ARL15: variants seen among roughly 807,000 people sequenced by gnomAD.
ARL15 encodes ARF like GTPase 15.
In ARL15, 19 loss-of-function variants were observed where a neutral mutation model predicts 25.2. The ratio of observed to expected loss-of-function variants is 0.75; its 90% CI spans 0.53 to 1.10. The LOEUF is 1.10. Among genes scored for constraint, ARL15 ranks in the 50% least tolerant of loss-of-function variants. ARL15 has a pLI of 0.00. For synonymous variants in ARL15, 94 were observed against 86.8 expected, an observed-to-expected ratio of 1.08 and a Z score of -0.46; for missense variants, 220 against 246.0, an observed-to-expected ratio of 0.89 and a Z score of 0.71.
intron 1 of ARL15, chr5:54,282,423 C>G (rs1758081816): frequency 1.0e-6 from 1 of 985,302 alleles, no homozygotes; most frequent in Non-Finnish European, 1.2e-6. Flanking sequence ...TAAAGAAAAT[C>G]TGCTGTATTC....
In ARL15 at chr5:54,069,553, C is replaced by G. The variant is rs549622754; in HGVS notation, c.462+43649G>C. Among the ~76,000 whole-genome samples the G allele has an allele frequency of 1.2e-4, 4 of 34,512 alleles. No individual in the cohort carries two copies. The East Asian group carries it at 2.9e-3, about 25-fold the overall frequency. The allele number at this position is 34,512 out of a possible 152,430, so 22.6% of individuals were successfully genotyped here. ...GCCAGCCTGGGTGACAACAGCAAAA[C>G]GTCTCAAAAAAAAAAAAAAAAAAAA... On this transcript the variant is annotated intron_variant, in intron 4 of 4. Transcript: ENST00000504924.
intron 1 of ARL15, among the ~76,000 whole-genome samples, chr5:54,213,369 C>T (rs376101107): frequency 3.3e-5 from 5 of 152,276 alleles, no homozygotes; most frequent in African/African-American, 1.2e-4. Context: ...CGAGTCACCC[C>T]CTCCACTGCC....
intron 4 of ARL15, among the ~76,000 whole-genome samples, chr5:54,060,342 T>C (rs561652923): frequency 7.2e-5 from 11 of 152,208 alleles, no homozygotes; most frequent in African/African-American, 2.6e-4. Context: ...GGCAGGAGAA[T>C]TGCTTGAAGC....
intron 4 of ARL15, among the ~76,000 whole-genome samples, chr5:53,980,992 G>A (rs1057178911): frequency 2.6e-5 from 4 of 151,976 alleles, no homozygotes; most frequent in African/African-American, 9.7e-5. Context: ...AAAAAACAAA[G>A]CAACACAATA....
intron 1 of ARL15, among the ~76,000 whole-genome samples, chr5:54,293,813 A>C: frequency 6.7e-6 from 1 of 149,586 alleles, no homozygotes. Flanking sequence ...AACTAAAGCC[A>C]CTCATCATAT....
chr5:54,240,855 T>C (rs1354947903), intron 1 of ARL15, among the ~76,000 whole-genome samples: 1 of 152,144 alleles, frequency 6.6e-6, no homozygotes, highest in East Asian at 1.9e-4. Context: ...TCATTGAAGG[T>C]TTTGGGATTT....
chr5:54,283,432 T>A (rs556767860), intron 1 of ARL15, among the ~76,000 whole-genome samples: 1 of 139,482 alleles, frequency 7.2e-6, no homozygotes, highest in South Asian at 2.1e-4. Flanking sequence ...CAATCTAAAC[T>A]TTCAAATATC....
chr5:53,920,250 C>T (rs1026247733), intron 4 of ARL15, among the ~76,000 whole-genome samples: 1 of 152,002 alleles, frequency 6.6e-6, no homozygotes, highest in Non-Finnish European at 1.5e-5. Flanking sequence ...AAACTTTTCC[C>T]CCATATATGT....
At chr5:54,060,590 C>G (rs540870819) in intron 4 of ARL15, among the ~76,000 whole-genome samples, 49 of 152,320 alleles carry the variant, frequency 3.2e-4, no homozygotes, top group Non-Finnish European at 4.6e-4. Context: ...CCATGTGGAA[C>G]TGTAAGTCCA....
chr5:54,053,652 G>A (rs979753876), intron 4 of ARL15, among the ~76,000 whole-genome samples: 4 of 152,254 alleles, frequency 2.6e-5, no homozygotes, highest in African/African-American at 9.6e-5. Flanking sequence ...GTACCTCTGG[G>A]ATCTTCCTTC....
chr5:54,150,309 T>C (rs375931331), intron 3 of ARL15, among the ~76,000 whole-genome samples: 1 of 152,300 alleles, frequency 6.6e-6, no homozygotes, highest in East Asian at 1.9e-4. Context: ...CAGAAGGTAG[T>C]CTTGAAGAAA....
At chr5:53,951,209 A>T (rs545155297) in intron 4 of ARL15, among the ~76,000 whole-genome samples, 3 of 152,348 alleles carry the variant, frequency 2.0e-5, no homozygotes, top group African/African-American at 7.2e-5. Context: ...AGGGACTTTG[A>T]GTATGGCCTA....
chr5:54,226,442 C>G, intron 1 of ARL15, among the ~76,000 whole-genome samples: 1 of 152,102 alleles, frequency 6.6e-6, no homozygotes, highest in East Asian at 1.9e-4. Flanking sequence ...TGCAGAAATT[C>G]CTGGAATCGA....
chr5:54,206,032 T>C (rs1755858286), intron 1 of ARL15, among the ~76,000 whole-genome samples: 1 of 152,094 alleles, frequency 6.6e-6, no homozygotes, highest in Non-Finnish European at 1.5e-5. Context: ...TTGGCTAATC[T>C]AGATTAATGA....
chr5:53,964,498 T>C (rs1264491772), intron 4 of ARL15, among the ~76,000 whole-genome samples: 3 of 152,234 alleles, frequency 2.0e-5, no homozygotes, highest in East Asian at 1.9e-4. Context: ...TAGCTGGGAC[T>C]ACAGGCGCCC....
intron 1 of ARL15, among the ~76,000 whole-genome samples, chr5:54,237,958 T>C (rs890565137): frequency 1.3e-5 from 2 of 152,188 alleles, no homozygotes; most frequent in Admixed American, 1.3e-4. Context: ...CCACTGGGAT[T>C]TGAATTTTAA....
At chr5:54,173,611 G>A (rs946136439) in intron 1 of ARL15, among the ~76,000 whole-genome samples, 2 of 152,078 alleles carry the variant, frequency 1.3e-5, no homozygotes, top group African/African-American at 4.8e-5. Flanking sequence ...GTCCACTTCT[G>A]TCCAGCCCAG....
At chr5:53,956,093 T>C (rs940979022) in intron 4 of ARL15, among the ~76,000 whole-genome samples, 7 of 151,890 alleles carry the variant, frequency 4.6e-5, no homozygotes, top group Non-Finnish European at 7.4e-5. Flanking sequence ...TGATATACAT[T>C]CAAAAAAAGA....
intron 4 of ARL15, among the ~76,000 whole-genome samples, chr5:53,974,957 A>C (rs1212733554): frequency 6.6e-6 from 1 of 152,112 alleles, no homozygotes; most frequent in African/African-American, 2.4e-5. Context: ...ACAGTATAAA[A>C]AGTCTTCTGG....
Sources: allele counts gnomAD v4.1 joint callset (sites outside exome capture counted in the v4.1 genomes callset), GRCh38; gene constraint gnomAD v4.1.1; transcripts MANE v1.5; gene names NCBI Gene and HGNC (gene_info 2026-07-23, HGNC 2026-07-21).